Variants in B4GALT6 observed in about 807,000 individuals in gnomAD.
B4GALT6 encodes the protein beta-1,4-galactosyltransferase 6.
Under a neutral mutation model 46.3 loss-of-function variants are expected in B4GALT6, and 14 were observed. That is an observed-to-expected ratio of 0.30 (90% CI 0.20 to 0.47). B4GALT6 has a LOEUF of 0.47. B4GALT6 is among the 20% of genes least tolerant of loss of function. The probability of loss-of-function intolerance (pLI) is 0.99; values close to 1 mark genes in which losing one functional copy is unlikely to be tolerated. For missense variants in B4GALT6, 386 were observed against 480.1 expected (o/e 0.80, Z 1.83); for synonymous variants, 168 against 162.0 (o/e 1.04, Z -0.28).
intron 2 of B4GALT6, among the ~76,000 whole-genome samples, chr18:31,660,107 C>T (rs2074194449): frequency 6.6e-6 from 1 of 151,786 alleles, no homozygotes; most frequent in Non-Finnish European, 1.5e-5. Context: ...TACAATCATG[C>T]ACCACCACAC....
intron 2 of B4GALT6, among the ~76,000 whole-genome samples, chr18:31,660,378 A>G (rs1235618189): frequency 6.6e-6 from 1 of 152,142 alleles, no homozygotes; most frequent in Non-Finnish European, 1.5e-5. Flanking sequence ...AGCAAGTGCA[A>G]TAAGCATGAA....
At chr18:31,665,334 T>C (rs1304400150) in intron 2 of B4GALT6, among the ~76,000 whole-genome samples, 3 of 152,212 alleles carry the variant, frequency 2.0e-5, no homozygotes, top group Admixed American at 6.5e-5. Flanking sequence ...TCTTCCACAA[T>C]AGTGAAATCT....
At chr18:31,704,515 T>C in the B4GALT6 span, among the ~76,000 whole-genome samples, 3 of 152,186 alleles carry the variant, frequency 2.0e-5, no homozygotes, top group Admixed American at 6.6e-5. Flanking sequence ...CAATCTTTCT[T>C]ATATCAAAGG....
intron 3 of B4GALT6, among the ~76,000 whole-genome samples, chr18:31,657,059 A>T (rs188346470): frequency 2.5e-4 from 38 of 152,326 alleles, no homozygotes; most frequent in African/African-American, 9.1e-4. Flanking sequence ...TAGGGATATA[A>T]ATTGGTATAG....
chr18:31,677,313 G>T (rs1378089947), intron 1 of B4GALT6, among the ~76,000 whole-genome samples: 1 of 152,162 alleles, frequency 6.6e-6, no homozygotes, highest in South Asian at 2.1e-4. Context: ...TGAGAAGGGG[G>T]TATTGCTGTA....
At chr18:31,724,454 A>G in the B4GALT6 span, 1 of 1,024,302 alleles carries the variant, frequency 9.8e-7, no homozygotes, top group African/African-American at 1.7e-5. Flanking sequence ...CCATGAGCTA[A>G]CTCCCCACCC....
chr18:31,673,247 A>C (rs1416054498), intron 1 of B4GALT6, among the ~76,000 whole-genome samples: 2 of 152,106 alleles, frequency 1.3e-5, no homozygotes, highest in African/African-American at 4.8e-5. Context: ...GGAAGTTAGG[A>C]AGGGTCAAGC....
the B4GALT6 span, among the ~76,000 whole-genome samples, chr18:31,722,041 A>C: frequency 6.6e-6 from 1 of 152,206 alleles, no homozygotes; most frequent in African/African-American, 2.4e-5. Context: ...GTACTCATGC[A>C]TAAGTGAAAT....
chr18:31,684,572 C>G lies in B4GALT6; in HGVS notation c.-146G>C, dbSNP rs139043653. ...GGAGGCTCTGGGGAGAGGGCCCGAGCGGAAAAGAGGAAATGGGAGGGAGCG... is the reference window on the plus strand; with the variant it reads ...GGAGGCTCTGGGGAGAGGGCCCGAGGGGAAAAGAGGAAATGGGAGGGAGCG... On this transcript the variant is annotated 5_prime_UTR_variant, in exon 1 of 9. Transcript: ENST00000306851. The G allele has an allele frequency of 2.5e-3, 3,329 of 1,337,380 alleles. 68 individuals are homozygous for G. In the African/African-American group the frequency reaches 0.045, roughly 18 times the overall value. 82.8% of individuals were successfully genotyped at this position (1,337,380 alleles called of 1,614,324 possible). A position where few individuals can be genotyped will look rare whatever the true frequency, so the allele number is the denominator to read the frequency against.
At chr18:31,659,818 C>CA (rs1318177074) in intron 2 of B4GALT6, among the ~76,000 whole-genome samples, 1 of 151,872 alleles carries the variant, frequency 6.6e-6, no homozygotes, top group Admixed American at 6.6e-5. Context: ...TTTGTATGCC[C>CA]AGTGACACCC....
At chr18:31,644,184 A>G (rs1407251362) in intron 4 of B4GALT6, among the ~76,000 whole-genome samples, 1 of 152,228 alleles carries the variant, frequency 6.6e-6, no homozygotes, top group Non-Finnish European at 1.5e-5. Context: ...CAGCTTCACA[A>G]CTTGTTCAAG....
Position 31,625,722 on chromosome 18 carries a change from G to A in B4GALT6, c.1041C>T (p.Ile347=), listed in dbSNP as rs375001901. The A allele has an allele frequency of 5.7e-5, 92 of 1,611,044 alleles. No homozygotes were observed. Among genetic ancestry groups the A allele is most frequent in the African/African-American group, 5.4e-4 (40 of 74,754 alleles). Residue 347 remains isoleucine (I), a synonymous_variant, in exon 9 of 9, where the codon ATC becomes ATT. Coordinates refer to ENST00000306851, the MANE Select transcript of B4GALT6 (RefSeq NM_004775.5). Reference sequence around the variant, plus strand: ...TATATATTAAATTGTTCAGTCCATCGATGTACTGACGCTCCTTGGAATACC... The same window carrying A: ...TATATATTAAATTGTTCAGTCCATCAATGTACTGACGCTCCTTGGAATACC... ...LLRYSKERQY[I]DGLNNLIYRP...
chr18:31,710,220 G>A, the B4GALT6 span, among the ~76,000 whole-genome samples: 1 of 152,052 alleles, frequency 6.6e-6, no homozygotes, highest in South Asian at 2.1e-4. Context: ...GTCCTGCCAA[G>A]GCTAAAATAG....
At chr18:31,710,620 C>T in the B4GALT6 span, among the ~76,000 whole-genome samples, 24 of 152,120 alleles carry the variant, frequency 1.6e-4, no homozygotes, top group African/African-American at 5.5e-4. Flanking sequence ...CTCGTAGCCA[C>T]CAGAGGAAAC....
chr18:31,700,579 C>G, the B4GALT6 span, among the ~76,000 whole-genome samples: 6 of 152,008 alleles, frequency 3.9e-5, no homozygotes, highest in Non-Finnish European at 7.4e-5. Flanking sequence ...GCCTCAGCCT[C>G]TCAAGTAGCT....
intron 1 of B4GALT6, among the ~76,000 whole-genome samples, chr18:31,679,877 C>T (rs2074459812): frequency 6.6e-6 from 1 of 152,206 alleles, no homozygotes; most frequent in African/African-American, 2.4e-5. Context: ...TTCAAACCTA[C>T]TATTCCCATC....
chr18:31,698,697 AC>A, the B4GALT6 span, among the ~76,000 whole-genome samples: 1 of 152,102 alleles, frequency 6.6e-6, no homozygotes, highest in Admixed American at 6.6e-5. Flanking sequence ...ATTGATGACC[AC>A]TAACCAGTAT....
At chr18:31,651,722 T>C (rs1447180339) in intron 3 of B4GALT6, among the ~76,000 whole-genome samples, 1 of 152,128 alleles carries the variant, frequency 6.6e-6, no homozygotes, top group African/African-American at 2.4e-5. Context: ...CCTGGCTCTA[T>C]GGAGACCTCC....
intron 4 of B4GALT6, among the ~76,000 whole-genome samples, chr18:31,640,597 AG>A (rs1422185301): frequency 6.6e-6 from 1 of 152,202 alleles, no homozygotes; most frequent in Non-Finnish European, 1.5e-5. Flanking sequence ...GGCAAATGGT[AG>A]GAACTAAAGA....
Sources: gnomAD v4.1 joint callset for allele counts (sites outside exome capture counted in the v4.1 genomes callset) on GRCh38, gnomAD v4.1.1 for gene constraint, MANE v1.5 for transcripts, NCBI Gene and HGNC (gene_info 2026-07-23, HGNC 2026-07-21) for gene names.